The following PCCA variants were observed in gnomAD, a reference collection of about 807,000 sequenced individuals.
The protein encoded by PCCA is propionyl-CoA carboxylase alpha chain, mitochondrial.
A neutral mutation model predicts 101.3 loss-of-function variants in PCCA; 74 were observed. The observed-to-expected ratio is 0.73, with a 90% CI of 0.61 to 0.89. The LOEUF is 0.89. Ranked by LOEUF, PCCA falls within the 40% of genes least tolerant of loss-of-function variation. The pLI, the probability that PCCA is intolerant of heterozygous loss-of-function variation, is 0.00. For synonymous variants in PCCA, 294 were observed against 313.6 expected, an observed-to-expected ratio of 0.94 and a Z score of 0.66; for missense variants, 891 against 907.0, an observed-to-expected ratio of 0.98 and a Z score of 0.23.
At chr13:100,213,146 C>T (rs1018243422) in intron 7 of PCCA, among the ~76,000 whole-genome samples, 2 of 152,182 alleles carry the variant, frequency 1.3e-5, no homozygotes, top group Non-Finnish European at 2.9e-5. Context: ...TGTTGATGGA[C>T]ATTTAGGTTG....
chr13:100,491,570 A>G (rs531784332), intron 21 of PCCA: 2 of 793,782 alleles, frequency 2.5e-6, no homozygotes, highest in East Asian at 6.6e-5. Context: ...AACAGCTGCA[A>G]AATGTTGCCC....
Position 100,123,334 on chromosome 13 carries a change from C to T in PCCA, c.300+11273C>T, listed in dbSNP as rs534518019. ...CTTCCCAAAGTGCTGGGATTACAGGCGTGAGCCACTGCACCTGGCCCTGAA... is the reference window on the plus strand; with the variant it reads ...CTTCCCAAAGTGCTGGGATTACAGGTGTGAGCCACTGCACCTGGCCCTGAA... On this transcript the variant is annotated intron_variant, in intron 4 of 23. Transcript: ENST00000376285. 1.2e-3 allele frequency among the ~76,000 whole-genome samples: 181 copies of T among 152,222 alleles called. 2 individuals carry two copies. The highest frequency in any genetic ancestry group is 4.1e-3 in the African/African-American group (172 of 41,526).
chr13:100,425,068 T>C (rs1211142297), intron 19 of PCCA, among the ~76,000 whole-genome samples: 1 of 152,212 alleles, frequency 6.6e-6, no homozygotes, highest in East Asian at 1.9e-4. Flanking sequence ...TTTTGCATAT[T>C]CATGAAGGAT....
At chr13:100,486,713 G>A (rs879127504) in intron 21 of PCCA, among the ~76,000 whole-genome samples, 4 of 152,140 alleles carry the variant, frequency 2.6e-5, no homozygotes, top group East Asian at 1.9e-4. Context: ...AGGAGTTTGC[G>A]ACTAGACTGG....
At position 100,188,743 on chromosome 13, in the gene PCCA, T is replaced by C. The variant is rs540332314; in HGVS notation, c.469-20589T>C. On this transcript the variant is annotated intron_variant, in intron 6 of 23. Coordinates refer to ENST00000376285, the MANE Select transcript of PCCA (RefSeq NM_000282.4). Reference sequence around the variant, plus strand: ...CTAATATTTTTTGATTTTTTGATTATGGCCATTCTTGCAGGAGTAAGGTGG... The same window carrying C: ...CTAATATTTTTTGATTTTTTGATTACGGCCATTCTTGCAGGAGTAAGGTGG... 7.2e-5 allele frequency among the ~76,000 whole-genome samples: 11 copies of C among 152,336 alleles called. 1 individual carries two copies. In the South Asian group the frequency reaches 2.3e-3, roughly 32 times the overall value.
intron 19 of PCCA, among the ~76,000 whole-genome samples, chr13:100,404,953 T>A (rs940605310): frequency 5.3e-5 from 8 of 152,314 alleles, no homozygotes; most frequent in African/African-American, 1.9e-4. Context: ...ACATCCAGTT[T>A]TCTTTCTAGG....
chr13:100,257,006 G>A (rs1045821678), intron 8 of PCCA, among the ~76,000 whole-genome samples: 5 of 151,930 alleles, frequency 3.3e-5, no homozygotes, highest in East Asian at 1.9e-4. Context: ...GTTAATGTAC[G>A]GAACAGTGGA....
At chr13:100,146,342 C>G (rs189543771) in intron 4 of PCCA, among the ~76,000 whole-genome samples, 1 of 151,570 alleles carries the variant, frequency 6.6e-6, no homozygotes, top group Non-Finnish European at 1.5e-5. Flanking sequence ...TTTGGGAGGC[C>G]GAGGCAGACG....
intron 20 of PCCA, among the ~76,000 whole-genome samples, chr13:100,431,567 C>T (rs2079549535): frequency 6.6e-6 from 1 of 152,206 alleles, no homozygotes; most frequent in South Asian, 2.1e-4. Context: ...ACTTAATCCT[C>T]ATGGGATTGA....
At chr13:100,107,274 T>C (rs1254697813) in intron 2 of PCCA, among the ~76,000 whole-genome samples, 1 of 152,236 alleles carries the variant, frequency 6.6e-6, no homozygotes, top group Non-Finnish European at 1.5e-5. Flanking sequence ...TGTTGTCTTA[T>C]GTATGTTCAT....
chr13:100,199,806 T>C (rs2058361214), intron 6 of PCCA, among the ~76,000 whole-genome samples: 1 of 152,214 alleles, frequency 6.6e-6, no homozygotes, highest in Non-Finnish European at 1.5e-5. Context: ...GTACAATTCA[T>C]ATATGAGAAG....
intron 13 of PCCA, among the ~76,000 whole-genome samples, chr13:100,302,601 T>A (rs1487721436): frequency 2.0e-5 from 3 of 152,136 alleles, no homozygotes; most frequent in Non-Finnish European, 4.4e-5. Context: ...TGTTCTAAAC[T>A]TGAGTATGTT....
chr13:100,450,308 C>T (rs947979153), intron 21 of PCCA, among the ~76,000 whole-genome samples: 2 of 151,766 alleles, frequency 1.3e-5, no homozygotes, highest in Non-Finnish European at 2.9e-5. Context: ...GCAGGAGAAT[C>T]GCCTGAACTG....
intron 18 of PCCA, among the ~76,000 whole-genome samples, chr13:100,353,903 A>T (rs2073603773): frequency 6.6e-6 from 1 of 151,944 alleles, no homozygotes; most frequent in Non-Finnish European, 1.5e-5. Context: ...CAGTGAGCCA[A>T]GATCGTACTA....
chr13:100,476,498 T>C (rs535204235), intron 21 of PCCA, among the ~76,000 whole-genome samples: 1 of 152,330 alleles, frequency 6.6e-6, no homozygotes, highest in South Asian at 2.1e-4. Flanking sequence ...TCTTTCCAAG[T>C]CACTAGTTTG....
chr13:100,136,268 C>G (rs1360833361), intron 4 of PCCA, among the ~76,000 whole-genome samples: 1 of 148,412 alleles, frequency 6.7e-6, no homozygotes, highest in African/African-American at 2.5e-5. Context: ...TCACTGCAAC[C>G]TCCACCTCCC....
chr13:100,392,750 A>G (rs998410423), intron 19 of PCCA, among the ~76,000 whole-genome samples: 49 of 152,332 alleles, frequency 3.2e-4, no homozygotes, highest in African/African-American at 8.7e-4. Flanking sequence ...TGAATAACTG[A>G]TAAGTGGGAT....
intron 22 of PCCA, among the ~76,000 whole-genome samples, chr13:100,518,424 A>T (rs1198919686): frequency 6.6e-6 from 1 of 152,218 alleles, no homozygotes; most frequent in Non-Finnish European, 1.5e-5. Flanking sequence ...GGCCTTGTGC[A>T]CTGATTCATT....
intron 21 of PCCA, chr13:100,481,111 G>C (rs1269649481): frequency 6.6e-6 from 1 of 152,086 alleles, no homozygotes; most frequent in Admixed American, 6.5e-5. Context: ...ATAGAAGATT[G>C]ATTCTTACTG....
Sources: gnomAD v4.1 joint callset for allele counts (sites outside exome capture counted in the v4.1 genomes callset) on GRCh38, gnomAD v4.1.1 for gene constraint, MANE v1.5 for transcripts, NCBI Gene and HGNC (gene_info 2026-07-23, HGNC 2026-07-21) for gene names.